The following TBXAS1 variants were observed in gnomAD, a reference collection of about 807,000 sequenced individuals.
TBXAS1 encodes thromboxane A synthase 1, also known as thromboxane-A synthase.
A neutral mutation model predicts 60.7 loss-of-function variants in TBXAS1; 48 were observed. That is an observed-to-expected ratio of 0.79 (90% CI 0.63 to 1.01). TBXAS1 has a LOEUF of 1.01. Among genes scored for constraint, TBXAS1 ranks in the 50% least tolerant of loss-of-function variants. The pLI is 0.00. For synonymous variants in TBXAS1, 287 were observed against 269.7 expected (o/e 1.06, Z -0.63); for missense variants, 685 against 686.3 (o/e 1.00, Z 0.02).
In TBXAS1 at chr7:139,909,476, G is replaced by GCAAA. The variant is rs566821064; in HGVS notation, c.237-1738_237-1735dup. On this transcript the variant is annotated intron_variant, in intron 3 of 12. Coordinates refer to ENST00000448866, the MANE Select transcript of TBXAS1 (RefSeq NM_001061.7). ...GTTTTCTTGGTTAAAATCAGTAAAA[G>GCAAA]CAAACAAACAAACACAAAAAGTAGT... Among the ~76,000 whole-genome samples, 38 of 152,116 alleles carry GCAAA rather than the reference G, an allele frequency of 2.5e-4. 1 individual carries two copies. In the East Asian group the frequency reaches 6.6e-3, roughly 26 times the overall value.
chr7:139,905,755 A>G (rs1262987252), intron 3 of TBXAS1, among the ~76,000 whole-genome samples: 3 of 152,154 alleles, frequency 2.0e-5, no homozygotes, highest in East Asian at 3.9e-4. Flanking sequence ...GTCCTTAGTC[A>G]GGTAGGTAGT....
intron 4 of TBXAS1, among the ~76,000 whole-genome samples, chr7:139,794,336 G>A (rs996844397): frequency 6.6e-6 from 1 of 152,086 alleles, no homozygotes; most frequent in Non-Finnish European, 1.5e-5. Context: ...CTGACCTCAA[G>A]CAATCCATCT....
At chr7:139,877,523 AG>A (rs1432437103) in intron 3 of TBXAS1, among the ~76,000 whole-genome samples, 1 of 139,736 alleles carries the variant, frequency 7.2e-6, no homozygotes, top group Non-Finnish European at 1.5e-5. Flanking sequence ...CCTGAGCTCA[AG>A]CGATGCTCCT....
intron 1 of TBXAS1, among the ~76,000 whole-genome samples, chr7:139,835,630 A>G (rs191862484): frequency 6.6e-6 from 1 of 152,320 alleles, no homozygotes; most frequent in Admixed American, 6.5e-5. Flanking sequence ...ACATACCTTA[A>G]TGTAATAAAA....
chr7:139,795,630 A>G (rs1320234702), intron 4 of TBXAS1, among the ~76,000 whole-genome samples: 1 of 149,348 alleles, frequency 6.7e-6, no homozygotes, highest in Non-Finnish European at 1.5e-5. Flanking sequence ...GTTTTCTTCT[A>G]GGGTTTTTAT....
chr7:139,939,955 C>T (rs546477744), intron 5 of TBXAS1, among the ~76,000 whole-genome samples: 1 of 152,356 alleles, frequency 6.6e-6, no homozygotes, highest in African/African-American at 2.4e-5. Flanking sequence ...ATGTCTGTTT[C>T]ATGCTCCATA....
At chr7:139,854,224 A>C (rs1199721981) in intron 1 of TBXAS1, among the ~76,000 whole-genome samples, 1 of 152,052 alleles carries the variant, frequency 6.6e-6, no homozygotes, top group Non-Finnish European at 1.5e-5. Flanking sequence ...TTGGCCCTAG[A>C]GAAAAGCCTG....
At chr7:139,994,404 A>C (rs976106469) in intron 9 of TBXAS1, among the ~76,000 whole-genome samples, 1 of 152,048 alleles carries the variant, frequency 6.6e-6, no homozygotes, top group Admixed American at 6.5e-5. Context: ...TGTTGGTCTG[A>C]TCTCTTTTCT....
chr7:139,836,022 T>C (rs1221359057), intron 1 of TBXAS1, among the ~76,000 whole-genome samples: 4 of 149,074 alleles, frequency 2.7e-5, no homozygotes, highest in Admixed American at 6.8e-5. Flanking sequence ...CAACCCCTTT[T>C]ACAATAGCTG....
intron 1 of TBXAS1, among the ~76,000 whole-genome samples, chr7:139,854,242 G>A (rs1055178278): frequency 3.3e-5 from 5 of 152,176 alleles, no homozygotes; most frequent in African/African-American, 9.6e-5. Context: ...CTGGGAAAAA[G>A]CCCAGAACGG....
intron 4 of TBXAS1, among the ~76,000 whole-genome samples, chr7:139,809,248 T>C (rs1797962996): frequency 4.1e-5 from 6 of 145,606 alleles, no homozygotes; most frequent in Non-Finnish European, 9.0e-5. Flanking sequence ...GATAGATAGA[T>C]AGATAGATAG....
Position 139,997,814 on chromosome 7 carries a change from T to G in TBXAS1, c.1135-9277T>G, listed in dbSNP as rs1813395819. Among the ~76,000 whole-genome samples the G allele has an allele frequency of 2.0e-5, 3 of 152,230 alleles. 1 individual carries two copies. The highest frequency in any genetic ancestry group is 4.4e-5 in the Non-Finnish European group (3 of 68,050). On this transcript the variant is annotated intron_variant, in intron 9 of 12. Transcript: ENST00000448866. ...TGAACAACCTGTCTGTCAAACTGTT[T>G]GCAATATCTACTAAAGCTGAACATA...
intron 1 of TBXAS1, among the ~76,000 whole-genome samples, chr7:139,862,208 G>A (rs1472903206): frequency 6.6e-6 from 1 of 152,170 alleles, no homozygotes; most frequent in Non-Finnish European, 1.5e-5. Flanking sequence ...TGGAACTAGA[G>A]TTAAAGATGT....
rs764187478 is a variant in TBXAS1 at position 139,962,139 on chromosome 7, C to T, written c.1040C>T (p.Thr347Ile). The change falls in exon 9 of 13, where the codon ACC (threonine) becomes ATC (isoleucine). Residue 347 changes from threonine to isoleucine, a missense_variant. By Grantham distance (89) the Thr-to-Ile change is moderately conservative (BLOSUM62 -1). Transcript: ENST00000448866. ...CTCATCGCTGGCTATGAAATCATCACCAACACACTTTCTTTTGCCACCTAC... is the reference window on the plus strand; with the variant it reads ...CTCATCGCTGGCTATGAAATCATCATCAACACACTTTCTTTTGCCACCTAC... ...IFLIAGYEII[T>I]NTLSFATYLL... 1.9e-6 allele frequency: 3 copies of T among 1,614,214 alleles called. No homozygotes were observed. In the Admixed American group the frequency reaches 5.0e-5, roughly 27 times the overall value.
intron 9 of TBXAS1, among the ~76,000 whole-genome samples, chr7:140,002,984 C>T (rs1368790062): frequency 6.6e-6 from 1 of 151,558 alleles, no homozygotes; most frequent in Non-Finnish European, 1.5e-5. Flanking sequence ...ATTAGCCGGG[C>T]GTGGTGGTGG....
chr7:139,983,823 G>T (rs1812132276), intron 9 of TBXAS1, among the ~76,000 whole-genome samples: 1 of 152,116 alleles, frequency 6.6e-6, no homozygotes, highest in African/African-American at 2.4e-5. Context: ...ATCCTGGTTT[G>T]CAGAATCCAA....
chr7:139,953,306 C>A, intron 5 of TBXAS1, 62 bp from the exon 6 acceptor site: 1 of 1,395,048 alleles, frequency 7.2e-7, no homozygotes, highest in Non-Finnish European at 1.0e-6. Context: ...TCTTCATCTG[C>A]AGCCAATTTA....
intron 5 of TBXAS1, among the ~76,000 whole-genome samples, chr7:139,937,855 G>T (rs1807920388): frequency 6.6e-6 from 1 of 151,342 alleles, no homozygotes; most frequent in Non-Finnish European, 1.5e-5. Context: ...AGGCCACGTA[G>T]GACTGTGCCA....
chr7:139,973,243 C>T (rs1811336227), intron 9 of TBXAS1, among the ~76,000 whole-genome samples: 1 of 152,184 alleles, frequency 6.6e-6, no homozygotes, highest in African/African-American at 2.4e-5. Context: ...CTGCTGACAA[C>T]AAGAAACTTA....
Sources: gnomAD v4.1 joint callset for allele counts (sites outside exome capture counted in the v4.1 genomes callset) on GRCh38, gnomAD v4.1.1 for gene constraint, MANE v1.5 for transcripts, NCBI Gene and HGNC (gene_info 2026-07-23, HGNC 2026-07-21) for gene names.